The following EDIL3 variants were observed in gnomAD, a reference collection of about 807,000 sequenced individuals.
EDIL3 encodes EGF like and discoidin domains 3, also known as EGF-like repeat and discoidin I-like domain-containing protein 3.
Under a neutral mutation model 67.4 loss-of-function variants are expected in EDIL3, and 37 were observed. That is an observed-to-expected ratio of 0.55 (90% CI 0.42 to 0.72). The LOEUF is 0.72. EDIL3 is among the 30% of genes least tolerant of loss of function. EDIL3 has a pLI of 0.00. For synonymous variants in EDIL3, 195 were observed against 196.3 expected, an observed-to-expected ratio of 0.99 and a Z score of 0.05; for missense variants, 527 against 586.3, an observed-to-expected ratio of 0.90 and a Z score of 1.04.
intron 5 of EDIL3, among the ~76,000 whole-genome samples, chr5:84,117,043 T>TTTG (rs1747681210): frequency 2.1e-5 from 3 of 146,214 alleles, no homozygotes; most frequent in Non-Finnish European, 4.5e-5. Flanking sequence ...TTTTTTTTTT[T>TTTG]TTGAGACGGA....
At chr5:84,102,887 G>A (rs1180048116) in intron 6 of EDIL3, among the ~76,000 whole-genome samples, 3 of 151,506 alleles carry the variant, frequency 2.0e-5, no homozygotes, top group Non-Finnish European at 3.0e-5. Context: ...TCTTAAAATA[G>A]CCAAGACAAT....
intron 6 of EDIL3, among the ~76,000 whole-genome samples, chr5:84,102,164 T>C (rs1454289191): frequency 1.3e-5 from 2 of 152,076 alleles, no homozygotes; most frequent in African/African-American, 4.8e-5. Context: ...TGAAAGAACA[T>C]ACCTCAAAAT....
chr5:84,362,614 T>C (rs1399086954), intron 1 of EDIL3, among the ~76,000 whole-genome samples: 1 of 152,186 alleles, frequency 6.6e-6, no homozygotes, highest in Non-Finnish European at 1.5e-5. Context: ...TGCCTGGGCT[T>C]ATATTCAAGG....
At chr5:84,039,609 G>T (rs1405162536) in intron 9 of EDIL3, among the ~76,000 whole-genome samples, 1 of 152,056 alleles carries the variant, frequency 6.6e-6, no homozygotes, top group African/African-American at 2.4e-5. Context: ...TCATAACTTA[G>T]ATCAATTAAA....
At position 84,180,410 on chromosome 5, in the gene EDIL3, C is replaced by T. The variant is rs761060026; in HGVS notation, c.338G>A (p.Gly113Glu). 4 of 1,597,072 alleles carry T rather than the reference C, an allele frequency of 2.5e-6. No individual in the cohort carries two copies. Among genetic ancestry groups the T allele is most frequent in the Non-Finnish European group, 2.6e-6 (3 of 1,172,816 alleles). ...YVCKCPRGFN[G>E]IHCQHNINEC... ...TAACTTACTGTGCTGACAGTGAATC[C>T]CATTAAATCCTCGGGGACATTTACA... is the stretch of plus-strand genomic sequence containing the variant. The change falls in exon 4 of 11, where the codon GGG becomes GAG. Residue 113 changes from glycine to glutamate, a missense_variant. Coordinates refer to ENST00000296591, the MANE Select transcript of EDIL3 (RefSeq NM_005711.5).
chr5:84,309,287 T>C (rs1746332627), intron 1 of EDIL3, among the ~76,000 whole-genome samples: 1 of 151,596 alleles, frequency 6.6e-6, no homozygotes, highest in Admixed American at 6.6e-5. Flanking sequence ...GTGATAAATG[T>C]TTTTCCTCTT....
chr5:84,322,610 T>G (rs1258319071), intron 1 of EDIL3, among the ~76,000 whole-genome samples: 1 of 152,070 alleles, frequency 6.6e-6, no homozygotes, highest in Non-Finnish European at 1.5e-5. Flanking sequence ...TGTGGAAATC[T>G]TAGAAGTAAA....
chr5:83,961,239 T>A (rs181859670), intron 10 of EDIL3, among the ~76,000 whole-genome samples: 1 of 151,064 alleles, frequency 6.6e-6, no homozygotes, highest in African/African-American at 2.4e-5. Flanking sequence ...AACACTGATA[T>A]AATGGCAAGA....
In EDIL3 at chr5:84,354,744, GA is replaced by G. The variant is rs542034115; in HGVS notation, c.67+29563del. Among the ~76,000 whole-genome samples the G allele has an allele frequency of 9.9e-5, 15 of 151,632 alleles. No homozygotes were observed. In the South Asian group the frequency reaches 3.1e-3, roughly 32 times the overall value. Reference sequence around the variant, plus strand: ...TACAATTCCACAAATATGTATAACTGAAATATATTCAAGATCTATGTACTAT... The same window carrying G: ...TACAATTCCACAAATATGTATAACTGAATATATTCAAGATCTATGTACTAT... On this transcript the variant is annotated intron_variant, in intron 1 of 10. Transcript: ENST00000296591.
chr5:84,356,550 C>T (rs1472902579), intron 1 of EDIL3, among the ~76,000 whole-genome samples: 1 of 152,208 alleles, frequency 6.6e-6, no homozygotes, highest in African/African-American at 2.4e-5. Flanking sequence ...AATCTCCTGC[C>T]TACCTCTTTC....
chr5:84,350,248 G>A (rs932244887), intron 1 of EDIL3, among the ~76,000 whole-genome samples: 1 of 152,018 alleles, frequency 6.6e-6, no homozygotes, highest in Admixed American at 6.6e-5. Flanking sequence ...AATGCCTCCA[G>A]CAATCCATGC....
At position 84,248,404 on chromosome 5, in the gene EDIL3, C is replaced by T. The variant is rs114523011; in HGVS notation, c.196+5680G>A. On this transcript the variant is annotated intron_variant, in intron 2 of 10. Coordinates refer to ENST00000296591, the MANE Select transcript of EDIL3 (RefSeq NM_005711.5). ...ACCTGACTACTCTGCCTCTCTGGCT[C>T]CTTTACAGATTTCACTTTCTCTGCC... 2.8e-3 allele frequency among the ~76,000 whole-genome samples: 428 copies of T among 152,268 alleles called. 3 individuals are homozygous for T. The highest frequency in any genetic ancestry group is 9.5e-3 in the African/African-American group (394 of 41,562).
intron 6 of EDIL3, among the ~76,000 whole-genome samples, chr5:84,091,950 C>G (rs1046969925): frequency 1.3e-5 from 2 of 152,230 alleles, no homozygotes; most frequent in Admixed American, 6.5e-5. Flanking sequence ...CAAGGGAATA[C>G]TGGAGAGTGC....
At chr5:84,120,078 TG>T (rs1236182735) in intron 5 of EDIL3, among the ~76,000 whole-genome samples, 1 of 152,034 alleles carries the variant, frequency 6.6e-6, no homozygotes, top group Non-Finnish European at 1.5e-5. Context: ...GCATAACTAT[TG>T]ATTTCTTATG....
At position 84,045,556 on chromosome 5, in the gene EDIL3, C is replaced by T. The variant is rs148675075; in HGVS notation, c.1137+14744G>A. Among the ~76,000 whole-genome samples, 1,361 of 152,080 alleles carry T rather than the reference C, an allele frequency of 8.9e-3. 11 individuals are homozygous for T. Among genetic ancestry groups the T allele is most frequent in the Non-Finnish European group, 0.013 (895 of 67,964 alleles). ...CTATTTTTTAAAATATAAACTAATT[C>T]CAGAAAGTTATTACCTAGAAGCTGC... is the stretch of plus-strand genomic sequence containing the variant. On this transcript the variant is annotated intron_variant, in intron 9 of 10. Coordinates refer to ENST00000296591, the MANE Select transcript of EDIL3 (RefSeq NM_005711.5).
chr5:84,256,660 T>C (rs991804723), intron 1 of EDIL3, among the ~76,000 whole-genome samples: 7 of 152,156 alleles, frequency 4.6e-5, no homozygotes, highest in Admixed American at 2.0e-4. Flanking sequence ...GGAGTTTATC[T>C]TCAAGCACTG....
intron 1 of EDIL3, among the ~76,000 whole-genome samples, chr5:84,262,611 A>G (rs1745248804): frequency 6.7e-6 from 1 of 149,416 alleles, no homozygotes; most frequent in African/African-American, 2.5e-5. Context: ...AAAATTTTGT[A>G]AATAACCAGG....
chr5:83,984,105 C>T (rs182801877), intron 9 of EDIL3, among the ~76,000 whole-genome samples: 20 of 151,924 alleles, frequency 1.3e-4, no homozygotes, highest in Middle Eastern at 3.4e-3. Flanking sequence ...TGGTTCAGAG[C>T]GTCTTGGGAA....
intron 6 of EDIL3, among the ~76,000 whole-genome samples, chr5:84,092,568 T>C (rs976242168): frequency 6.6e-6 from 1 of 152,170 alleles, no homozygotes; most frequent in African/African-American, 2.4e-5. Context: ...ATAAAAATAG[T>C]TTGTATATCT....
Sources: gnomAD v4.1 joint callset for allele counts (sites outside exome capture counted in the v4.1 genomes callset) on GRCh38, gnomAD v4.1.1 for gene constraint, MANE v1.5 for transcripts, NCBI Gene and HGNC (gene_info 2026-07-23, HGNC 2026-07-21) for gene names.